PPIL4: variants seen among roughly 807,000 people sequenced by gnomAD.
PPIL4 encodes peptidylprolyl isomerase like 4, also known as peptidyl-prolyl cis-trans isomerase-like 4.
Under a neutral mutation model 69.1 loss-of-function variants are expected in PPIL4, and 50 were observed. The observed-to-expected ratio is 0.72, with a 90% CI of 0.58 to 0.92. PPIL4 has a LOEUF of 0.92. Ranked by LOEUF, PPIL4 falls within the 40% of genes least tolerant of loss-of-function variation. PPIL4 has a pLI of 0.00. For missense variants in PPIL4, 480 were observed against 587.9 expected (o/e 0.82, Z 1.90); for synonymous variants, 193 against 191.6 (o/e 1.01, Z -0.06).
intron 7 of PPIL4, among the ~76,000 whole-genome samples, chr6:149,529,109 T>C (rs1777150865): frequency 6.6e-6 from 1 of 151,968 alleles, no homozygotes; most frequent in Non-Finnish European, 1.5e-5. Flanking sequence ...CGTGTGCCTA[T>C]AGTCCCAGCT....
chr6:149,543,640 G>A (rs1777395771), intron 1 of PPIL4, among the ~76,000 whole-genome samples: 2 of 150,884 alleles, frequency 1.3e-5, no homozygotes, highest in African/African-American at 4.9e-5. Context: ...TCCCTGTCAA[G>A]TTTTTTTTCT....
intron 8 of PPIL4, 49 bp downstream of exon 8, chr6:149,526,603 C>G (rs1244336040): frequency 3.9e-6 from 6 of 1,536,228 alleles, no homozygotes; most frequent in East Asian, 2.3e-5. Flanking sequence ...AAACCACCAA[C>G]TGATACCTAG....
intron 7 of PPIL4, among the ~76,000 whole-genome samples, chr6:149,531,519 G>C (rs1262591557): frequency 8.4e-6 from 1 of 118,498 alleles, no homozygotes; most frequent in East Asian, 2.9e-4. Context: ...CTGGGCAACA[G>C]AAACTCCGTC....
chr6:149,535,224 C>G (rs572249504), intron 5 of PPIL4, among the ~76,000 whole-genome samples: 100 of 152,188 alleles, frequency 6.6e-4, no homozygotes, highest in African/African-American at 2.4e-3. Flanking sequence ...GGTGTGGTGG[C>G]GGGCGCCTGT....
In PPIL4 at chr6:149,504,592, T is replaced by A. The variant is rs1408022365; in HGVS notation, c.*861A>T. The A allele has an allele frequency of 2.0e-5, 3 of 152,304 alleles. No individual in the cohort carries two copies. Among genetic ancestry groups the A allele is most frequent in the Non-Finnish European group, 4.4e-5 (3 of 68,026 alleles). The allele number at this position is 152,304 out of a possible 1,614,324, so 9.4% of individuals were successfully genotyped here. On this transcript the variant is annotated 3_prime_UTR_variant, in exon 13 of 13. Coordinates refer to ENST00000253329, the MANE Select transcript of PPIL4 (RefSeq NM_139126.4). ...ACACATGGAAGAGCAGAGATAACAG[T>A]AATCTTGCTGGAAATCACAGGTAGA...
chr6:149,510,839 T>C (rs1220064697), intron 12 of PPIL4, among the ~76,000 whole-genome samples: 1 of 151,670 alleles, frequency 6.6e-6, no homozygotes, highest in African/African-American at 2.4e-5. Flanking sequence ...CTAAAACTAG[T>C]AATTTGCTTT....
chr6:149,527,430 T>C (rs1252594426), intron 7 of PPIL4, among the ~76,000 whole-genome samples: 1 of 152,246 alleles, frequency 6.6e-6, no homozygotes, highest in Middle Eastern at 3.2e-3. Flanking sequence ...GACCACACAG[T>C]GGTAAACAAC....
intron 9 of PPIL4, 142 bp from the exon 10 acceptor site, chr6:149,521,313 G>T: frequency 3.3e-6 from 2 of 610,530 alleles, no homozygotes; most frequent in South Asian, 1.9e-5. Context: ...TAAATGCTTT[G>T]TATCTATTAC....
chr6:149,506,650 G>T (rs892265988), intron 12 of PPIL4, among the ~76,000 whole-genome samples: 6 of 152,204 alleles, frequency 3.9e-5, no homozygotes, highest in African/African-American at 1.4e-4. Flanking sequence ...CAGGAATGCA[G>T]TGGCACGATC....
At chr6:149,541,098 A>T in intron 3 of PPIL4, 39 bp from the exon 4 acceptor site, 1 of 1,161,952 alleles carries the variant, frequency 8.6e-7, no homozygotes, top group Non-Finnish European at 1.3e-6. Flanking sequence ...AAGTACTCTC[A>T]AAATGAAATA....
At chr6:149,530,102 C>T (rs1583209769) in intron 7 of PPIL4, among the ~76,000 whole-genome samples, 1 of 151,892 alleles carries the variant, frequency 6.6e-6, no homozygotes, top group East Asian at 1.9e-4. Flanking sequence ...TCAGTTCCAC[C>T]GAATGTACAA....
At chr6:149,507,520 C>A (rs922426307) in intron 12 of PPIL4, among the ~76,000 whole-genome samples, 4 of 152,148 alleles carry the variant, frequency 2.6e-5, no homozygotes, top group Non-Finnish European at 5.9e-5. Flanking sequence ...ACTATTATAT[C>A]TGTACATCTT....
At chr6:149,533,115 C>A (rs376598243) in intron 7 of PPIL4, among the ~76,000 whole-genome samples, 1 of 152,184 alleles carries the variant, frequency 6.6e-6, no homozygotes, top group African/African-American at 2.4e-5. Context: ...TTAATCTTAA[C>A]ACTTGAGTGG....
chr6:149,511,406 T>C (rs1175471016), intron 12 of PPIL4, among the ~76,000 whole-genome samples: 1 of 151,600 alleles, frequency 6.6e-6, no homozygotes, highest in Non-Finnish European at 1.5e-5. Flanking sequence ...ATTGTGTGTG[T>C]GTGTGTGTGT....
chr6:149,530,717 G>A (rs899597295), intron 7 of PPIL4, among the ~76,000 whole-genome samples: 1 of 152,110 alleles, frequency 6.6e-6, no homozygotes, highest in Admixed American at 6.5e-5. Context: ...TGGTAATTGT[G>A]GAAAAAGTGG....
rs1461057018 is a variant in PPIL4, at chr6:149,511,678, A to C, written c.1227+477T>G. On this transcript the variant is annotated intron_variant, in intron 12 of 12. Transcript: ENST00000253329. Reference sequence around the variant, plus strand: ...GGGGAATTTTTATTATTTTTTTTAAATGTGCTGTTCAGGAGAGCTTTTAGC... The same window carrying C: ...GGGGAATTTTTATTATTTTTTTTAACTGTGCTGTTCAGGAGAGCTTTTAGC... Among the ~76,000 whole-genome samples the C allele has an allele frequency of 2.0e-5, 3 of 152,146 alleles. No homozygotes were observed. In the East Asian group the frequency reaches 5.8e-4, roughly 29 times the overall value.
At chr6:149,525,857 T>C (rs1345076635) in intron 8 of PPIL4, among the ~76,000 whole-genome samples, 2 of 152,150 alleles carry the variant, frequency 1.3e-5, no homozygotes, top group African/African-American at 4.8e-5. Context: ...CCCCAGCCCT[T>C]TGGGAGGCCA....
chr6:149,521,293 C>T, intron 9 of PPIL4, 122 bp from the exon 10 acceptor site: 1 of 648,422 alleles, frequency 1.5e-6, no homozygotes. Flanking sequence ...TATTACACAC[C>T]CGATGCTGTT....
At chr6:149,533,804 A>G (rs933104219) in intron 6 of PPIL4, among the ~76,000 whole-genome samples, 5 of 152,300 alleles carry the variant, frequency 3.3e-5, no homozygotes, top group Admixed American at 3.3e-4. Flanking sequence ...ACAAACTTAT[A>G]AACCTCCAAG....
Sources: allele counts gnomAD v4.1 joint callset (sites outside exome capture counted in the v4.1 genomes callset), GRCh38; gene constraint gnomAD v4.1.1; transcripts MANE v1.5; gene names NCBI Gene and HGNC (gene_info 2026-07-23, HGNC 2026-07-21).